DTNA: variants seen among roughly 807,000 people sequenced by gnomAD.
The protein encoded by DTNA is dystrobrevin alpha.
A neutral mutation model predicts 100.7 loss-of-function variants in DTNA; 43 were observed. The observed-to-expected ratio is 0.43, with a 90% CI of 0.33 to 0.55. DTNA has a LOEUF of 0.55. DTNA is among the 20% of genes least tolerant of loss of function. DTNA has a pLI of 0.04. For synonymous variants in DTNA, 349 were observed against 347.9 expected (o/e 1.00, Z -0.04); for missense variants, 798 against 953.9 (o/e 0.84, Z 2.15).
intron 1 of DTNA, among the ~76,000 whole-genome samples, chr18:34,646,667 T>C (rs2059871962): frequency 1.3e-5 from 2 of 152,196 alleles, no homozygotes; most frequent in South Asian, 4.1e-4. Flanking sequence ...TCTTTACAAA[T>C]CTCCATCTGA....
At chr18:34,499,680 G>C (rs1193238622) in intron 1 of DTNA, among the ~76,000 whole-genome samples, 1 of 152,170 alleles carries the variant, frequency 6.6e-6, no homozygotes, top group Non-Finnish European at 1.5e-5. Flanking sequence ...TGATAGGTGT[G>C]TAGCAATATT....
rs368622230 is a variant in DTNA, at chr18:34,758,915, A to G, written c.67+2872A>G. Among the ~76,000 whole-genome samples, 59 of 152,350 alleles carry G rather than the reference A, an allele frequency of 3.9e-4. No homozygotes were observed. In the East Asian group the frequency reaches 6.4e-3, roughly 16 times the overall value. ...TGGCAAATTCAGGTGATTGCAGCAC[A>G]TATGTGTTAAACATTCACTCTTAGC... On this transcript the variant is annotated intron_variant, in intron 2 of 22. Transcript: ENST00000444659.
intron 1 of DTNA, among the ~76,000 whole-genome samples, chr18:34,718,729 G>A (rs34654771): frequency 0.057 from 8,738 of 152,264 alleles, 336 homozygotes; most frequent in Non-Finnish European, 0.081. Flanking sequence ...TTACTGAAGA[G>A]TATGGGCATT....
chr18:34,854,736 C>T (rs1387309522), intron 15 of DTNA, among the ~76,000 whole-genome samples: 2 of 152,192 alleles, frequency 1.3e-5, no homozygotes, highest in Non-Finnish European at 2.9e-5. Context: ...ATGGAGCCAT[C>T]CATTGGGGAA....
chr18:34,822,095 A>G (rs2095738389), intron 9 of DTNA, among the ~76,000 whole-genome samples: 1 of 152,220 alleles, frequency 6.6e-6, no homozygotes, highest in African/African-American at 2.4e-5. Flanking sequence ...ACAAGCTGGC[A>G]TGGGCTCAGC....
At chr18:34,654,568 G>A (rs537596677) in intron 1 of DTNA, among the ~76,000 whole-genome samples, 22 of 152,118 alleles carry the variant, frequency 1.4e-4, no homozygotes, top group Non-Finnish European at 2.9e-4. Flanking sequence ...AGTTAAATAT[G>A]AAAGTTAATC....
At chr18:34,519,312 T>C (rs1175709427) in intron 1 of DTNA, among the ~76,000 whole-genome samples, 2 of 152,120 alleles carry the variant, frequency 1.3e-5, no homozygotes, top group Non-Finnish European at 2.9e-5. Flanking sequence ...TAAATTTAGG[T>C]TGTACTGTTT....
At chr18:34,509,670 T>G (rs2040839596) in intron 1 of DTNA, among the ~76,000 whole-genome samples, 1 of 152,160 alleles carries the variant, frequency 6.6e-6, no homozygotes, top group Admixed American at 6.6e-5. Context: ...ATCATCTAGC[T>G]GTTCTTTTAT....
intron 1 of DTNA, among the ~76,000 whole-genome samples, chr18:34,631,772 C>A (rs1484584394): frequency 1.3e-5 from 2 of 152,166 alleles, no homozygotes; most frequent in Admixed American, 6.5e-5. Flanking sequence ...TACACTCCTA[C>A]CCTGAACTGT....
chr18:34,546,973 C>T (rs1036658350), intron 1 of DTNA, among the ~76,000 whole-genome samples: 2 of 151,918 alleles, frequency 1.3e-5, no homozygotes, highest in African/African-American at 4.8e-5. Context: ...TCCCAAAATG[C>T]TGGCATTACA....
intron 3 of DTNA, among the ~76,000 whole-genome samples, chr18:34,778,891 C>T (rs2094186587): frequency 6.6e-6 from 1 of 152,024 alleles, no homozygotes; most frequent in Admixed American, 6.6e-5. Context: ...GATCTCGGCT[C>T]ACTGCAAGCT....
intron 1 of DTNA, among the ~76,000 whole-genome samples, chr18:34,713,737 C>T (rs35906328): frequency 0.12 from 17,788 of 151,780 alleles, 1,544 homozygotes; most frequent in African/African-American, 0.24. Context: ...ATGGCCATTT[C>T]CACGATATTG....
chr18:34,508,772 T>G (rs1323168511), intron 1 of DTNA, among the ~76,000 whole-genome samples: 1 of 152,150 alleles, frequency 6.6e-6, no homozygotes, highest in Non-Finnish European at 1.5e-5. Flanking sequence ...ATGAATAATA[T>G]TTTAGCTTTT....
At chr18:34,668,567 C>T (rs1451342953) in intron 1 of DTNA, among the ~76,000 whole-genome samples, 2 of 152,012 alleles carry the variant, frequency 1.3e-5, no homozygotes, top group African/African-American at 2.4e-5. Context: ...GCATTTAGTG[C>T]TATAAATTTC....
chr18:34,777,453 T>C (rs1421883952), intron 3 of DTNA, among the ~76,000 whole-genome samples: 1 of 152,246 alleles, frequency 6.6e-6, no homozygotes, highest in African/African-American at 2.4e-5. Flanking sequence ...TTTATAGATA[T>C]CTTCTGGGTT....
At chr18:34,723,899 CA>C (rs1031502309) in intron 1 of DTNA, among the ~76,000 whole-genome samples, 3 of 141,382 alleles carry the variant, frequency 2.1e-5, no homozygotes, top group South Asian at 2.2e-4. Flanking sequence ...GATTCTGTCT[CA>C]AAAAAAAAGA....
At chr18:34,649,254 T>C (rs188035789) in intron 1 of DTNA, among the ~76,000 whole-genome samples, 2 of 152,298 alleles carry the variant, frequency 1.3e-5, no homozygotes, top group Admixed American at 6.5e-5. Context: ...AGAGAGCTAT[T>C]TCAATGTTTA....
intron 1 of DTNA, among the ~76,000 whole-genome samples, chr18:34,744,963 C>T (rs887292855): frequency 3.3e-5 from 5 of 152,180 alleles, no homozygotes; most frequent in African/African-American, 1.2e-4. Flanking sequence ...ACTTAAGGTA[C>T]ATCTTAGTCT....
Position 34,683,995 on chromosome 18 carries a change from T to G in DTNA, c.-1-71981T>G, listed in dbSNP as rs544048076. On this transcript the variant is annotated intron_variant, in intron 1 of 19. Coordinates refer to the DTNA transcript ENST00000283365. The stretch of plus-strand genomic sequence containing the variant: ...GGGTACACATATGTGGGAAATGATC[T>G]CACCAACTTTATGATGTTGCCTGTA... Among the ~76,000 whole-genome samples, 166 of 152,240 alleles carry G rather than the reference T, an allele frequency of 1.1e-3. 1 individual carries two copies. The highest frequency in any genetic ancestry group is 3.9e-3 in the African/African-American group (160 of 41,544).
Sources: allele counts gnomAD v4.1 joint callset (sites outside exome capture counted in the v4.1 genomes callset), GRCh38; gene constraint gnomAD v4.1.1; transcripts MANE v1.5; gene names NCBI Gene and HGNC (gene_info 2026-07-23, HGNC 2026-07-21).